The following ETV6 variants were observed in gnomAD, a reference collection of about 807,000 sequenced individuals.
The protein encoded by ETV6 is ETS variant transcription factor 6.
In ETV6, 16 loss-of-function variants were observed where a neutral mutation model predicts 51.1. The ratio of observed to expected loss-of-function variants is 0.31; its 90% confidence interval spans 0.21 to 0.48. The LOEUF (loss-of-function observed/expected upper bound fraction) is 0.48. Ranked by LOEUF, ETV6 falls within the 20% of genes least tolerant of loss-of-function variation. The pLI, the probability that ETV6 is intolerant of heterozygous loss-of-function variation, is 0.99. For synonymous variants in ETV6, 240 were observed against 224.1 expected (o/e 1.07, Z -0.64); for missense variants, 458 against 594.8 (o/e 0.77, Z 2.39).
At chr12:11,828,503 T>C (rs1306747969) in intron 2 of ETV6, among the ~76,000 whole-genome samples, 1 of 152,176 alleles carries the variant, frequency 6.6e-6, no homozygotes, top group African/African-American at 2.4e-5. Context: ...TAAACCTGAT[T>C]TGGTTTTCGC....
intron 2 of ETV6, among the ~76,000 whole-genome samples, chr12:11,776,305 T>TA (rs11413543): frequency 0.76 from 115,965 of 152,096 alleles, 45,226 homozygotes; most frequent in South Asian, 0.95. Context: ...GCTCAATCAT[T>TA]AAATTAAATA....
intron 1 of ETV6, among the ~76,000 whole-genome samples, chr12:11,750,619 A>G (rs1035483670): frequency 6.6e-6 from 1 of 152,182 alleles, no homozygotes; most frequent in Non-Finnish European, 1.5e-5. Flanking sequence ...ATTTCCGAGA[A>G]TAAAGTTAAC....
chr12:11,652,142 C>T (rs897308034), intron 1 of ETV6, among the ~76,000 whole-genome samples: 1 of 152,120 alleles, frequency 6.6e-6, no homozygotes, highest in Admixed American at 6.5e-5. Flanking sequence ...CTGTGTACTT[C>T]TATGTAATTA....
chr12:11,827,474 G>A (rs1357211385), intron 2 of ETV6, among the ~76,000 whole-genome samples: 1 of 152,110 alleles, frequency 6.6e-6, no homozygotes, highest in Non-Finnish European at 1.5e-5. Flanking sequence ...GGGTCCCTAT[G>A]TGTATTTTCT....
At chr12:11,884,314 A>G in intron 5 of ETV6, 131 bp from the exon 6 acceptor site, 2 of 1,013,294 alleles carry the variant, frequency 2.0e-6, no homozygotes, top group Non-Finnish European at 1.5e-6. Flanking sequence ...CGGTAAAACA[A>G]GGAAGTTAGT....
chr12:11,733,357 G>A (rs1447544800), intron 1 of ETV6, among the ~76,000 whole-genome samples: 1 of 132,674 alleles, frequency 7.5e-6, no homozygotes, highest in Non-Finnish European at 1.5e-5. Context: ...GCAGTGAGCC[G>A]AGATCGCACC....
At chr12:11,868,429 T>G (rs11054479) in intron 4 of ETV6, among the ~76,000 whole-genome samples, 19 of 129,784 alleles carry the variant, frequency 1.5e-4, no homozygotes, top group African/African-American at 5.1e-4. Flanking sequence ...GGTTTTTTTC[T>G]TTTTTCTTCT....
chr12:11,682,124 A>T (rs576704216), intron 1 of ETV6, among the ~76,000 whole-genome samples: 1 of 152,196 alleles, frequency 6.6e-6, no homozygotes, highest in Non-Finnish European at 1.5e-5. Context: ...TTCTGGTTCT[A>T]GATCCTTGAG....
intron 2 of ETV6, among the ~76,000 whole-genome samples, chr12:11,760,190 CACTGCCCCAATATTT>C (rs2136336172): frequency 6.6e-6 from 1 of 152,350 alleles, no homozygotes; most frequent in African/African-American, 2.4e-5. Flanking sequence ...TAATTAGTCA[CACTGCCCCAATATTT>C]ACTGCCTCCA....
chr12:11,800,413 G>C (rs539017294), intron 2 of ETV6, among the ~76,000 whole-genome samples: 113 of 152,194 alleles, frequency 7.4e-4, no homozygotes, highest in African/African-American at 2.6e-3. Flanking sequence ...GTTTTTTGTG[G>C]TGAGAACATT....
chr12:11,839,798 T>G (rs1946365022), intron 3 of ETV6, among the ~76,000 whole-genome samples: 1 of 152,124 alleles, frequency 6.6e-6, no homozygotes, highest in Non-Finnish European at 1.5e-5. Context: ...GAGGATTGCT[T>G]GAGCCAAAGA....
chr12:11,702,786 G>A (rs1325589460), intron 1 of ETV6, among the ~76,000 whole-genome samples: 2 of 152,076 alleles, frequency 1.3e-5, no homozygotes, highest in African/African-American at 2.4e-5. Flanking sequence ...CGATTACTTT[G>A]GAAAATTAGA....
At chr12:11,682,235 C>T (rs1864544025) in intron 1 of ETV6, among the ~76,000 whole-genome samples, 1 of 152,286 alleles carries the variant, frequency 6.6e-6, no homozygotes, top group South Asian at 2.1e-4. Flanking sequence ...TCTTTTGTTT[C>T]CTGACTTTTT....
chr12:11,814,208 T>C (rs777539943), intron 2 of ETV6, among the ~76,000 whole-genome samples: 10 of 152,234 alleles, frequency 6.6e-5, no homozygotes, highest in African/African-American at 9.6e-5. Flanking sequence ...TTAAATTGTG[T>C]TAAATAGAGT....
chr12:11,752,284 T>C (rs546071682), intron 1 of ETV6, among the ~76,000 whole-genome samples, 166 bp from the exon 2 acceptor site: 1 of 152,276 alleles, frequency 6.6e-6, no homozygotes, highest in African/African-American at 2.4e-5. Flanking sequence ...GAAAGACAAC[T>C]GTATACAGTG....
intron 7 of ETV6, among the ~76,000 whole-genome samples, chr12:11,887,010 T>C (rs1248564645): frequency 6.6e-6 from 1 of 152,180 alleles, no homozygotes; most frequent in Non-Finnish European, 1.5e-5. Context: ...CTCACTGATA[T>C]GATTAATTTA....
chr12:11,677,263 C>T lies in ETV6; in HGVS notation c.33+27103C>T, dbSNP rs377246584. Among the ~76,000 whole-genome samples the T allele has an allele frequency of 2.2e-3, 338 of 152,274 alleles. 2 individuals are homozygous for T. Among genetic ancestry groups the T allele is most frequent in the African/African-American group, 7.9e-3 (328 of 41,534 alleles). On this transcript the variant is annotated intron_variant, in intron 1 of 7. Coordinates refer to ENST00000396373, the MANE Select transcript of ETV6 (RefSeq NM_001987.5). ...GGGTCTGGCTTTGTGAGGAACCTTTCTCTCTCTCCTCCCTCCTCCTGCCTC... is the reference window on the plus strand; with the variant it reads ...GGGTCTGGCTTTGTGAGGAACCTTTTTCTCTCTCCTCCCTCCTCCTGCCTC...
At chr12:11,699,778 G>A (rs1316481397) in intron 1 of ETV6, among the ~76,000 whole-genome samples, 10 of 152,014 alleles carry the variant, frequency 6.6e-5, no homozygotes, top group Non-Finnish European at 1.3e-4. Flanking sequence ...AATGTAGGAA[G>A]GTCCTCCCAG....
At chr12:11,834,486 G>A (rs1357220502) in intron 2 of ETV6, among the ~76,000 whole-genome samples, 1 of 152,176 alleles carries the variant, frequency 6.6e-6, no homozygotes, top group East Asian at 1.9e-4. Context: ...ACTAAGCCCT[G>A]TTTTCTATTA....
Sources: gnomAD v4.1 joint callset for allele counts (sites outside exome capture counted in the v4.1 genomes callset) on GRCh38, gnomAD v4.1.1 for gene constraint, MANE v1.5 for transcripts, NCBI Gene and HGNC (gene_info 2026-07-23, HGNC 2026-07-21) for gene names.